Variants in FAM171A1 observed in about 807,000 individuals in gnomAD.
The protein encoded by FAM171A1 is protein FAM171A1.
FAM171A1 carries 23 observed loss-of-function variants against 74.9 expected under a neutral mutation model. That is an observed-to-expected ratio of 0.31 (90% confidence interval 0.22 to 0.44). The LOEUF (loss-of-function observed/expected upper bound fraction) is 0.44. Among genes scored for constraint, FAM171A1 ranks in the 20% least tolerant of loss-of-function variants. The probability of loss-of-function intolerance (pLI) is 1.00; values close to 1 mark genes in which losing one functional copy is unlikely to be tolerated. For synonymous variants in FAM171A1, 527 were observed against 505.7 expected, an observed-to-expected ratio of 1.04 and a Z score of -0.57; for missense variants, 1,162 against 1,159.2, an observed-to-expected ratio of 1.00 and a Z score of -0.03.
chr10:15,330,813 G>T (rs1262922995), intron 1 of FAM171A1, among the ~76,000 whole-genome samples: 2 of 146,596 alleles, frequency 1.4e-5, no homozygotes, highest in African/African-American at 2.5e-5. Context: ...CACCTCCCAG[G>T]TTTGAGCAAT....
At chr10:15,312,925 C>T (rs1252033732) in intron 1 of FAM171A1, among the ~76,000 whole-genome samples, 1 of 151,818 alleles carries the variant, frequency 6.6e-6, no homozygotes, top group African/African-American at 2.4e-5. Context: ...GAACTCCTGA[C>T]CTCAGGTGAT....
At chr10:15,227,231 C>A (rs1374163771) in intron 5 of FAM171A1, among the ~76,000 whole-genome samples, 1 of 152,182 alleles carries the variant, frequency 6.6e-6, no homozygotes, top group Non-Finnish European at 1.5e-5. Flanking sequence ...GAACTCCTTA[C>A]CTCAAGTGAT....
intron 1 of FAM171A1, among the ~76,000 whole-genome samples, chr10:15,330,706 T>G (rs940054801): frequency 1.2e-5 from 1 of 83,050 alleles, no homozygotes; most frequent in Non-Finnish European, 2.3e-5. Flanking sequence ...ATTTTTTTCT[T>G]CTTCTTCTTT....
chr10:15,359,726 G>A (rs746944459), intron 1 of FAM171A1, among the ~76,000 whole-genome samples: 23 of 152,156 alleles, frequency 1.5e-4, no homozygotes, highest in Non-Finnish European at 2.9e-4. Context: ...GAGAGACGTC[G>A]CAGAAGGGTA....
intron 1 of FAM171A1, among the ~76,000 whole-genome samples, chr10:15,343,549 G>A (rs1198709615): frequency 6.6e-6 from 1 of 152,162 alleles, no homozygotes; most frequent in African/African-American, 2.4e-5. Flanking sequence ...ACATCTGAAG[G>A]GGACAACACC....
At chr10:15,318,173 A>T (rs74500409) in intron 1 of FAM171A1, among the ~76,000 whole-genome samples, 360 of 152,352 alleles carry the variant, frequency 2.4e-3, no homozygotes, top group Middle Eastern at 0.01. Flanking sequence ...GAGAGCTGAA[A>T]TGTGACCAGC....
chr10:15,296,519 G>C (rs1165513340), intron 1 of FAM171A1, among the ~76,000 whole-genome samples: 1 of 152,152 alleles, frequency 6.6e-6, no homozygotes, highest in Non-Finnish European at 1.5e-5. Flanking sequence ...CATTCAGTTT[G>C]ATGTTCCTCC....
intron 5 of FAM171A1, among the ~76,000 whole-genome samples, chr10:15,240,586 G>A (rs1423021567): frequency 1.3e-5 from 2 of 152,082 alleles, no homozygotes; most frequent in African/African-American, 4.8e-5. Flanking sequence ...AGACAACTGT[G>A]AAAAACGGCA....
intron 5 of FAM171A1, among the ~76,000 whole-genome samples, chr10:15,244,873 C>T (rs1564621292): frequency 6.6e-6 from 1 of 152,080 alleles, no homozygotes; most frequent in South Asian, 2.1e-4. Context: ...GGGGAGGAGA[C>T]TGGAAAGGAT....
chr10:15,257,283 G>C (rs1834592559), intron 3 of FAM171A1, among the ~76,000 whole-genome samples: 1 of 152,154 alleles, frequency 6.6e-6, no homozygotes, highest in South Asian at 2.1e-4. Context: ...TGTGAGGGCA[G>C]TGGGGCACAG....
chr10:15,307,371 G>A (rs1462625660), intron 1 of FAM171A1, among the ~76,000 whole-genome samples: 1 of 152,076 alleles, frequency 6.6e-6, no homozygotes, highest in Non-Finnish European at 1.5e-5. Context: ...GAGGCCGGGT[G>A]CAGTGGCTCA....
intron 1 of FAM171A1, among the ~76,000 whole-genome samples, chr10:15,327,838 G>C (rs1835574583): frequency 1.3e-5 from 2 of 151,470 alleles, no homozygotes; most frequent in East Asian, 3.9e-4. Context: ...TATTACCTGG[G>C]TGACAAAATT....
intron 6 of FAM171A1, among the ~76,000 whole-genome samples, chr10:15,219,008 C>T (rs949867549): frequency 3.9e-5 from 6 of 152,140 alleles, no homozygotes; most frequent in African/African-American, 1.2e-4. Flanking sequence ...ACTGGACAGG[C>T]GCAGTGGCTC....
At chr10:15,244,374 G>C (rs1037668624) in intron 5 of FAM171A1, among the ~76,000 whole-genome samples, 2 of 152,026 alleles carry the variant, frequency 1.3e-5, no homozygotes, top group Admixed American at 1.3e-4. Flanking sequence ...CCCCAAATTA[G>C]CTAGGCCTGG....
intron 2 of FAM171A1, among the ~76,000 whole-genome samples, chr10:15,276,458 C>T (rs756851053): frequency 4.6e-5 from 7 of 152,168 alleles, no homozygotes; most frequent in Non-Finnish European, 8.8e-5. Context: ...GGATTACAGG[C>T]GTGAGCCACT....
intron 1 of FAM171A1, among the ~76,000 whole-genome samples, chr10:15,338,083 T>C (rs896062237): frequency 6.6e-6 from 1 of 152,228 alleles, no homozygotes; most frequent in African/African-American, 2.4e-5. Context: ...ATTAAACGCC[T>C]TTCACTTTGG....
At chr10:15,313,082 T>G (rs1835383123) in intron 1 of FAM171A1, among the ~76,000 whole-genome samples, 1 of 152,114 alleles carries the variant, frequency 6.6e-6, no homozygotes, top group Non-Finnish European at 1.5e-5. Context: ...GGGCTCTGCA[T>G]CTCCCTGTGT....
chr10:15,228,566 A>T (rs1265491255), intron 5 of FAM171A1, among the ~76,000 whole-genome samples: 1 of 151,824 alleles, frequency 6.6e-6, no homozygotes, highest in Non-Finnish European at 1.5e-5. Flanking sequence ...CTGGTCGCAA[A>T]CTCCTGGGCT....
intron 1 of FAM171A1, among the ~76,000 whole-genome samples, chr10:15,291,238 G>T (rs768356672): frequency 6.6e-6 from 1 of 152,154 alleles, no homozygotes. Context: ...TAACTGTGAG[G>T]CCTAGCTGGT....
Sources: gnomAD v4.1 joint callset for allele counts (sites outside exome capture counted in the v4.1 genomes callset) on GRCh38, gnomAD v4.1.1 for gene constraint, MANE v1.5 for transcripts, NCBI Gene and HGNC (gene_info 2026-07-23, HGNC 2026-07-21) for gene names.